SPATA16: variants seen among roughly 807,000 people sequenced by gnomAD.
The protein encoded by SPATA16 is spermatogenesis associated 16, also known as spermatogenesis-associated protein 16.
A neutral mutation model predicts 63.3 loss-of-function variants in SPATA16; 36 were observed. That is an observed-to-expected ratio of 0.57 (90% CI 0.44 to 0.75). The LOEUF is 0.75. Ranked by LOEUF, SPATA16 falls within the 30% of genes least tolerant of loss-of-function variation. The pLI is 0.00. For missense variants in SPATA16, 646 were observed against 679.3 expected (o/e 0.95, Z 0.54); for synonymous variants, 203 against 216.7 (o/e 0.94, Z 0.56).
intron 6 of SPATA16, among the ~76,000 whole-genome samples, chr3:172,935,144 G>T (rs1366797861): frequency 6.6e-6 from 1 of 152,126 alleles, no homozygotes; most frequent in Non-Finnish European, 1.5e-5. Flanking sequence ...TATCAAAAAA[G>T]AAAATATATA....
intron 4 of SPATA16, among the ~76,000 whole-genome samples, chr3:173,004,774 T>C (rs900357699): frequency 3.3e-5 from 5 of 152,170 alleles, no homozygotes; most frequent in African/African-American, 9.7e-5. Flanking sequence ...CTGTGCTAAG[T>C]GCTCTATATA....
At chr3:173,053,104 C>A (rs143346092) in intron 2 of SPATA16, among the ~76,000 whole-genome samples, 1 of 152,286 alleles carries the variant, frequency 6.6e-6, no homozygotes, top group East Asian at 1.9e-4. Flanking sequence ...CCCTGTAATA[C>A]CTGCACTTTC....
intron 5 of SPATA16, among the ~76,000 whole-genome samples, chr3:172,970,947 C>A (rs750654043): frequency 6.6e-6 from 1 of 152,062 alleles, no homozygotes; most frequent in Admixed American, 6.5e-5. Context: ...AATGATTTTG[C>A]ACTATCAAGA....
intron 1 of SPATA16, among the ~76,000 whole-genome samples, chr3:173,138,103 G>A (rs1450179010): frequency 6.6e-6 from 1 of 151,802 alleles, no homozygotes; most frequent in Non-Finnish European, 1.5e-5. Context: ...TTCTTGGTGG[G>A]GGGGTGATAA....
At chr3:173,076,793 T>A (rs1736816129) in intron 2 of SPATA16, among the ~76,000 whole-genome samples, 1 of 152,166 alleles carries the variant, frequency 6.6e-6, no homozygotes, top group African/African-American at 2.4e-5. Context: ...TCCCCTTTTA[T>A]CACTGTACCC....
rs533339997 is a variant in SPATA16, at chr3:172,904,144, A to G, written c.1587+9517T>C. Among the ~76,000 whole-genome samples the G allele has an allele frequency of 3.9e-5, 6 of 152,234 alleles. No individual in the cohort carries two copies. In the South Asian group the frequency reaches 1.2e-3, roughly 31 times the overall value. ...AAAGAGAGATAAAGATGTCTCTCTTATAGGGTTGTTGCAATCATTTAAATG... is the reference window on the plus strand; with the variant it reads ...AAAGAGAGATAAAGATGTCTCTCTTGTAGGGTTGTTGCAATCATTTAAATG... On this transcript the variant is annotated intron_variant, in intron 10 of 10. Transcript: ENST00000351008.
intron 4 of SPATA16, among the ~76,000 whole-genome samples, chr3:172,998,841 T>G (rs1734752167): frequency 6.6e-6 from 1 of 152,196 alleles, no homozygotes; most frequent in Non-Finnish European, 1.5e-5. Context: ...ATATGATGGA[T>G]TACTTCAATT....
chr3:173,001,768 C>T (rs1355328166), intron 4 of SPATA16, among the ~76,000 whole-genome samples: 1 of 152,122 alleles, frequency 6.6e-6, no homozygotes, highest in Non-Finnish European at 1.5e-5. Context: ...AGTGACCTCA[C>T]TTCTCTGACT....
chr3:172,917,715 TG>T (rs1290633288), intron 8 of SPATA16, among the ~76,000 whole-genome samples: 1 of 152,256 alleles, frequency 6.6e-6, no homozygotes, highest in African/African-American at 2.4e-5. Context: ...CGCATACTTA[TG>T]AAACAGAATT....
intron 10 of SPATA16, among the ~76,000 whole-genome samples, chr3:172,909,689 A>T (rs1577085393): frequency 6.6e-6 from 1 of 152,226 alleles, no homozygotes; most frequent in Non-Finnish European, 1.5e-5. Flanking sequence ...ACTGCATGAG[A>T]TGCATTGAGT....
intron 2 of SPATA16, among the ~76,000 whole-genome samples, chr3:173,057,137 A>C (rs1489795186): frequency 3.5e-5 from 5 of 141,994 alleles, no homozygotes; most frequent in African/African-American, 7.9e-5. Context: ...TTTGAGGCAG[A>C]TTCTCGCTCT....
At chr3:173,056,457 C>G (rs1017539794) in intron 2 of SPATA16, among the ~76,000 whole-genome samples, 1 of 152,120 alleles carries the variant, frequency 6.6e-6, no homozygotes, top group African/African-American at 2.4e-5. Context: ...AATCCCAGCA[C>G]TTTGGGAGGC....
intron 2 of SPATA16, among the ~76,000 whole-genome samples, chr3:173,064,665 A>G (rs372329862): frequency 6.6e-6 from 1 of 152,164 alleles, no homozygotes; most frequent in African/African-American, 2.4e-5. Flanking sequence ...TATGCTTTTC[A>G]TGAGACATGT....
chr3:173,012,290 A>G (rs1000001963), intron 4 of SPATA16, among the ~76,000 whole-genome samples: 6 of 152,248 alleles, frequency 3.9e-5, no homozygotes, highest in African/African-American at 1.4e-4. Flanking sequence ...GCACAAATAA[A>G]TGGAAAAACA....
chr3:173,006,096 A>C (rs756527143), intron 4 of SPATA16, among the ~76,000 whole-genome samples: 1 of 152,194 alleles, frequency 6.6e-6, no homozygotes. Context: ...TTAAAGTCAG[A>C]TATTTGACCT....
At chr3:173,103,093 C>G (rs1200354818) in intron 2 of SPATA16, among the ~76,000 whole-genome samples, 1 of 152,202 alleles carries the variant, frequency 6.6e-6, no homozygotes, top group Admixed American at 6.5e-5. Context: ...ATGGCAATCC[C>G]AATATAAGGG....
chr3:172,983,532 T>C lies in SPATA16; in HGVS notation c.849-6480A>G, dbSNP rs553954173. Among the ~76,000 whole-genome samples the C allele has an allele frequency of 3.3e-5, 5 of 152,310 alleles. No homozygotes were observed. In the South Asian group the frequency reaches 1.0e-3, roughly 32 times the overall value. On this transcript the variant is annotated intron_variant, in intron 4 of 10. Coordinates refer to ENST00000351008, the MANE Select transcript of SPATA16 (RefSeq NM_031955.6). ...GTATGAGATCTAACTACAGAATTCT[T>C]TTGTATTATTGATATGTTTAGGAGG...
intron 10 of SPATA16, among the ~76,000 whole-genome samples, chr3:172,893,166 A>C (rs572272515): frequency 6.6e-6 from 1 of 152,322 alleles, no homozygotes; most frequent in South Asian, 2.1e-4. Context: ...TTTATATGTT[A>C]AAGTCATAAC....
At chr3:173,087,553 G>A (rs1226634361) in intron 2 of SPATA16, among the ~76,000 whole-genome samples, 1 of 152,146 alleles carries the variant, frequency 6.6e-6, no homozygotes, top group Non-Finnish European at 1.5e-5. Flanking sequence ...GTGTGAATTT[G>A]ATCCGGTCAT....
Sources: allele counts gnomAD v4.1 joint callset (sites outside exome capture counted in the v4.1 genomes callset), GRCh38; gene constraint gnomAD v4.1.1; transcripts MANE v1.5; gene names NCBI Gene and HGNC (gene_info 2026-07-23, HGNC 2026-07-21).